TAFA5: variants seen among roughly 807,000 people sequenced by gnomAD.
The protein encoded by TAFA5 is TAFA chemokine like family member 5, also known as chemokine-like protein TAFA-5.
Under a neutral mutation model 15.3 loss-of-function variants are expected in TAFA5, and 6 were observed. That is an observed-to-expected ratio of 0.39 (90% CI 0.21 to 0.77). The LOEUF (loss-of-function observed/expected upper bound fraction) is 0.77. Ranked by LOEUF, TAFA5 falls within the 30% of genes least tolerant of loss-of-function variation. TAFA5 has a pLI of 0.41. For missense variants in TAFA5, 161 were observed against 193.1 expected, an observed-to-expected ratio of 0.83 and a Z score of 0.98; for synonymous variants, 103 against 80.7, an observed-to-expected ratio of 1.28 and a Z score of -1.48.
chr22:48,704,495 G>A (rs1011563160), intron 2 of TAFA5, among the ~76,000 whole-genome samples: 2 of 152,048 alleles, frequency 1.3e-5, no homozygotes, highest in African/African-American at 2.4e-5. Flanking sequence ...CACTCATGGC[G>A]CCATCCCCTC....
intron 3 of TAFA5, among the ~76,000 whole-genome samples, chr22:48,718,161 G>A (rs1371960842): frequency 1.3e-5 from 2 of 152,192 alleles, no homozygotes; most frequent in African/African-American, 2.4e-5. Flanking sequence ...ACAGGCAGGC[G>A]AGAGCCGAGG....
intron 2 of TAFA5, among the ~76,000 whole-genome samples, chr22:48,686,143 G>A (rs1315077313): frequency 6.6e-6 from 1 of 152,222 alleles, no homozygotes; most frequent in South Asian, 2.1e-4. Context: ...AGGTGGAGGA[G>A]TTCCTTGAAC....
chr22:48,745,622 C>T (rs1930307578), intron 3 of TAFA5, among the ~76,000 whole-genome samples: 1 of 152,232 alleles, frequency 6.6e-6, no homozygotes, highest in Admixed American at 6.5e-5. Flanking sequence ...ACAGGAGTTA[C>T]CTGAGGTCCT....
chr22:48,722,460 GA>G (rs1338314030), intron 3 of TAFA5, among the ~76,000 whole-genome samples: 4 of 151,862 alleles, frequency 2.6e-5, no homozygotes. Context: ...AACAGGAACA[GA>G]AAACCAAACA....
chr22:48,540,830 G>A (rs192560076), intron 1 of TAFA5, among the ~76,000 whole-genome samples: 1 of 150,930 alleles, frequency 6.6e-6, no homozygotes, highest in Admixed American at 6.6e-5. Context: ...TCGGTGTAAT[G>A]GGTTTGTTTT....
At chr22:48,730,696 A>G (rs922910053) in intron 3 of TAFA5, among the ~76,000 whole-genome samples, 3 of 152,174 alleles carry the variant, frequency 2.0e-5, no homozygotes, top group Non-Finnish European at 4.4e-5. Context: ...TGATGTGACT[A>G]TGGCAGTTGT....
At chr22:48,607,584 C>A (rs533664214) in intron 1 of TAFA5, among the ~76,000 whole-genome samples, 1 of 134,576 alleles carries the variant, frequency 7.4e-6, no homozygotes, top group Admixed American at 7.1e-5. Context: ...GTACCTCAGC[C>A]TGGAGCAGAT....
intron 1 of TAFA5, among the ~76,000 whole-genome samples, chr22:48,578,236 T>C (rs1320334124): frequency 6.6e-6 from 1 of 152,188 alleles, no homozygotes; most frequent in African/African-American, 2.4e-5. Flanking sequence ...TGTGATGAAG[T>C]GAAGTTCCAC....
chr22:48,693,370 G>A (rs758837717), intron 2 of TAFA5: 35 of 1,612,624 alleles, frequency 2.2e-5, no homozygotes, highest in South Asian at 9.9e-5. Flanking sequence ...TACCACCACC[G>A]GGAATGGCCA....
In TAFA5 at chr22:48,516,390, G is replaced by A. The variant is rs188567368; in HGVS notation, c.112+26686G>A. On this transcript the variant is annotated intron_variant, in intron 1 of 3. Transcript: ENST00000402357. ...CCCATTCCCCTGTCACCGAGACCTC[G>A]GGGCCGCGTGGTTTTGGTGTAATTT... Among the ~76,000 whole-genome samples the A allele has an allele frequency of 7.0e-4, 107 of 152,110 alleles. No individual in the cohort carries two copies. The East Asian group carries it at 0.012, about 18-fold the overall frequency.
intron 1 of TAFA5, among the ~76,000 whole-genome samples, chr22:48,495,844 G>A (rs1471908842): frequency 3.3e-5 from 5 of 152,132 alleles, no homozygotes; most frequent in African/African-American, 4.8e-5. Flanking sequence ...CACTCAGGGC[G>A]CCCAAAGCTG....
intron 3 of TAFA5, among the ~76,000 whole-genome samples, chr22:48,708,648 C>T (rs130151): frequency 0.7 from 106,623 of 152,140 alleles, 37,549 homozygotes; most frequent in Middle Eastern, 0.72. Flanking sequence ...CCTGGCTGCT[C>T]CTCCTTTGAG....
At chr22:48,555,440 G>A (rs967432968) in intron 1 of TAFA5, among the ~76,000 whole-genome samples, 1 of 152,252 alleles carries the variant, frequency 6.6e-6, no homozygotes, top group East Asian at 1.9e-4. Flanking sequence ...GATGGAGGAC[G>A]TGGGCTCCCA....
intron 1 of TAFA5, among the ~76,000 whole-genome samples, chr22:48,574,336 A>G (rs1923686241): frequency 1.3e-5 from 2 of 152,046 alleles, no homozygotes; most frequent in Admixed American, 1.3e-4. Flanking sequence ...TGCTTCGTGG[A>G]TGGCCTCTCC....
At chr22:48,630,156 C>T (rs995179754) in intron 1 of TAFA5, among the ~76,000 whole-genome samples, 10 of 148,878 alleles carry the variant, frequency 6.7e-5, no homozygotes, top group African/African-American at 1.8e-4. Context: ...AGAACGGGGG[C>T]GGGGGATGAG....
Position 48,576,039 on chromosome 22 carries a change from A to ACCCCCCCCCCCCCCCCCCCCCCC in TAFA5, c.113-70544_113-70543insCCCCCCCCCCCCCCCCCCCCCCC, listed in dbSNP as rs535068094. On this transcript the variant is annotated intron_variant, in intron 1 of 3. Coordinates refer to ENST00000402357, the MANE Select transcript of TAFA5 (RefSeq NM_001082967.3). ...GAGGAGGGGGCCGGGGCCGCGCCGG[A>ACCCCCCCCCCCCCCCCCCCCCCC]CCCCCCCCCCCCCCGCGCCGCCCGG... Among the ~76,000 whole-genome samples, 2 of 31,432 alleles carry ACCCCCCCCCCCCCCCCCCCCCCC rather than the reference A, an allele frequency of 6.4e-5. 1 individual carries two copies. The highest frequency in any genetic ancestry group is 4.7e-4 in the African/African-American group (2 of 4,258). The allele number at this position is 31,432 out of a possible 152,430, so 20.6% of individuals were successfully genotyped here. A position where few individuals can be genotyped will look rare whatever the true frequency, so the allele number is the denominator to read the frequency against.
intron 1 of TAFA5, among the ~76,000 whole-genome samples, chr22:48,536,469 C>T (rs951395081): frequency 4.6e-5 from 7 of 152,242 alleles, no homozygotes; most frequent in Admixed American, 4.6e-4. Context: ...GAGCGCGCAC[C>T]GCCCGTGGAG....
chr22:48,645,943 C>T (rs1204668299), intron 1 of TAFA5, among the ~76,000 whole-genome samples: 3 of 151,650 alleles, frequency 2.0e-5, no homozygotes, highest in Admixed American at 6.6e-5. Flanking sequence ...TGTTTGCACA[C>T]ACGTACATGC....
At chr22:48,737,950 G>A (rs763051670) in intron 3 of TAFA5, among the ~76,000 whole-genome samples, 8 of 152,098 alleles carry the variant, frequency 5.3e-5, no homozygotes, top group African/African-American at 1.2e-4. Context: ...TGCCTCCTGC[G>A]GTTGCCTGTG....
Sources: gnomAD v4.1 joint callset for allele counts (sites outside exome capture counted in the v4.1 genomes callset) on GRCh38, gnomAD v4.1.1 for gene constraint, MANE v1.5 for transcripts, NCBI Gene and HGNC (gene_info 2026-07-23, HGNC 2026-07-21) for gene names.